Variants in ZNF431 observed in about 807,000 individuals in gnomAD.
The protein encoded by ZNF431 is zinc finger protein 431.
A neutral mutation model predicts 57.0 loss-of-function variants in ZNF431; 34 were observed. That is an observed-to-expected ratio of 0.60 (90% CI 0.45 to 0.79). The LOEUF is 0.79. ZNF431 is among the 30% of genes least tolerant of loss of function. The probability of loss-of-function intolerance (pLI) is 0.00; values close to 1 mark genes in which losing one functional copy is unlikely to be tolerated. For missense variants in ZNF431, 607 were observed against 667.1 expected (o/e 0.91, Z 0.99); for synonymous variants, 207 against 220.3 (o/e 0.94, Z 0.54).
rs1971593083 is a variant in ZNF431, at chr19:21,195,657, C to T, written c.*11623C>T. On this transcript the variant is annotated 3_prime_UTR_variant, in exon 5 of 5. Transcript: ENST00000311048. Reference sequence around the variant, plus strand: ...CTTCCTTGATACGTATGAGATTCACCAGTACCAGTTTTTCTCTTGTGGTGG... The same window carrying T: ...CTTCCTTGATACGTATGAGATTCACTAGTACCAGTTTTTCTCTTGTGGTGG... 1 of 152,102 alleles carries T rather than the reference C, an allele frequency of 6.6e-6. No homozygotes were observed. Among genetic ancestry groups the T allele is most frequent in the Admixed American group, 6.6e-5 (1 of 15,266 alleles). The allele number at this position is 152,102 out of a possible 1,614,324, so 9.4% of individuals were successfully genotyped here. A position where few individuals can be genotyped will look rare whatever the true frequency, so the allele number is the denominator to read the frequency against.
At chr19:21,177,763 G>A (rs1056217779) in intron 4 of ZNF431, among the ~76,000 whole-genome samples, 1 of 152,066 alleles carries the variant, frequency 6.6e-6, no homozygotes, top group African/African-American at 2.4e-5. Context: ...ACTCCTGCCT[G>A]GGTGACAGAG....
chr19:21,186,352 CAT>C lies in ZNF431; in HGVS notation c.*2322_*2323del, dbSNP rs1378113916. Reference sequence around the variant, plus strand: ...AACATGTGGCCTGTCTGCCTGCAAACATATACAGACTTTTAGTTTTGATTCAT... The same window carrying C: ...AACATGTGGCCTGTCTGCCTGCAAACATACAGACTTTTAGTTTTGATTCAT... On this transcript the variant is annotated 3_prime_UTR_variant, in exon 5 of 5. Transcript: ENST00000311048. 1.2e-4 allele frequency: 18 copies of C among 152,290 alleles called. No homozygotes were observed. The highest frequency in any genetic ancestry group is 4.3e-4 in the African/African-American group (18 of 41,560). 9.4% of individuals were successfully genotyped at this position (152,290 alleles called of 1,614,324 possible). A position where few individuals can be genotyped will look rare whatever the true frequency, so the allele number is the denominator to read the frequency against.
At position 21,183,964 on chromosome 19, in the gene ZNF431, A is replaced by T. The variant is rs567640430; in HGVS notation, c.1661A>T (p.Asn554Ile). The T allele has an allele frequency of 6.3e-7, 1 of 1,596,782 alleles. No homozygotes were observed. The highest frequency in any genetic ancestry group is 8.5e-7 in the Non-Finnish European group (1 of 1,174,472). The change falls in exon 5 of 5, where the codon AAC (asparagine) becomes ATC (isoleucine). Residue 554 changes from asparagine (N) to isoleucine (I), a missense_variant. By Grantham distance (149) the Asn-to-Ile change is moderately radical. Transcript: ENST00000311048. Reference sequence around the variant, plus strand: ...GACAATACATTTAACCAGTCCTCAAACCTTATTAAACAAAATAATTCATAC... The same window carrying T: ...GACAATACATTTAACCAGTCCTCAATCCTTATTAAACAAAATAATTCATAC... ...ECDNTFNQSSNLIKQNNSYWR... is the reference protein window; with the variant it reads ...ECDNTFNQSSILIKQNNSYWR...
At chr19:21,174,340 G>A (rs916697201) in intron 4 of ZNF431, among the ~76,000 whole-genome samples, 4 of 151,904 alleles carry the variant, frequency 2.6e-5, no homozygotes, top group South Asian at 2.1e-4. Context: ...TGTCTTGATC[G>A]CCACAATTAT....
Position 21,188,645 on chromosome 19 carries a change from G to T in ZNF431, c.*4611G>T, listed in dbSNP as rs909453998. The T allele has an allele frequency of 8.5e-5, 13 of 152,070 alleles. No individual in the cohort carries two copies. The highest frequency in any genetic ancestry group is 3.1e-4 in the African/African-American group (13 of 41,424). 9.4% of individuals were successfully genotyped at this position (152,070 alleles called of 1,614,324 possible). A position where few individuals can be genotyped will look rare whatever the true frequency, so the allele number is the denominator to read the frequency against. On this transcript the variant is annotated 3_prime_UTR_variant, in exon 5 of 5. Transcript: ENST00000311048. Reference sequence around the variant, plus strand: ...TTTTATATATTTTTTAGTGGGAGAGGTTTAGTCTACAGTTTTTATTTTTAG... The same window carrying T: ...TTTTATATATTTTTTAGTGGGAGAGTTTTAGTCTACAGTTTTTATTTTTAG...
At chr19:21,178,506 A>G (rs1038130738) in intron 4 of ZNF431, among the ~76,000 whole-genome samples, 1 of 152,084 alleles carries the variant, frequency 6.6e-6, no homozygotes, top group Non-Finnish European at 1.5e-5. Flanking sequence ...AGAGTTTTTA[A>G]CATGAAGGGA....
intron 4 of ZNF431, among the ~76,000 whole-genome samples, chr19:21,174,535 T>C (rs1970996424): frequency 6.6e-6 from 1 of 152,186 alleles, no homozygotes; most frequent in South Asian, 2.1e-4. Flanking sequence ...ATATGTCCTA[T>C]GCTGTTATAT....
At chr19:21,176,254 T>C (rs965618395) in intron 4 of ZNF431, among the ~76,000 whole-genome samples, 2 of 151,336 alleles carry the variant, frequency 1.3e-5, no homozygotes, top group African/African-American at 4.8e-5. Flanking sequence ...TTTTTTTTTT[T>C]TTTGAGACTG....
chr19:21,163,262 A>G (rs1970625547), intron 2 of ZNF431, among the ~76,000 whole-genome samples: 1 of 152,190 alleles, frequency 6.6e-6, no homozygotes, highest in Non-Finnish European at 1.5e-5. Context: ...TTCCTCTGTA[A>G]ACTTTAAAGA....
intron 2 of ZNF431, among the ~76,000 whole-genome samples, chr19:21,162,145 TGTGTGTGTG>T (rs1253025733): frequency 5.2e-4 from 65 of 125,356 alleles, no homozygotes; most frequent in South Asian, 9.9e-4. Flanking sequence ...TCCAGCTAAT[TGTGTGTGTG>T]TGTGTGTGTG....
intron 4 of ZNF431, among the ~76,000 whole-genome samples, chr19:21,170,526 C>T (rs1354872362): frequency 6.6e-6 from 1 of 152,114 alleles, no homozygotes; most frequent in African/African-American, 2.4e-5. Context: ...TTGGTAGGCA[C>T]TCCATATTAC....
chr19:21,142,423 C>A (rs1373790584), intron 1 of ZNF431, among the ~76,000 whole-genome samples: 4 of 152,194 alleles, frequency 2.6e-5, no homozygotes, highest in African/African-American at 7.2e-5. Flanking sequence ...GGCCTGGAGC[C>A]CTCTCTGGGC....
At chr19:21,174,537 C>T (rs754216355) in intron 4 of ZNF431, among the ~76,000 whole-genome samples, 21 of 152,214 alleles carry the variant, frequency 1.4e-4, no homozygotes, top group South Asian at 4.1e-4. Context: ...ATGTCCTATG[C>T]TGTTATATAC....
intron 4 of ZNF431, 99 bp from the exon 5 acceptor site, chr19:21,182,524 C>A: frequency 1.6e-6 from 2 of 1,288,892 alleles, no homozygotes; most frequent in Admixed American, 2.9e-5. Flanking sequence ...TTTATTATGG[C>A]ATCTTGTTTA....
chr19:21,159,150 A>G (rs962102051), intron 2 of ZNF431, among the ~76,000 whole-genome samples: 1 of 152,132 alleles, frequency 6.6e-6, no homozygotes. Flanking sequence ...AAAACCTTGC[A>G]TACCAGAGAT....
chr19:21,158,019 G>A (rs1599588369), intron 2 of ZNF431, among the ~76,000 whole-genome samples: 2 of 152,074 alleles, frequency 1.3e-5, no homozygotes, highest in African/African-American at 4.8e-5. Flanking sequence ...TGGCAATTCA[G>A]GCTCATTTTG....
chr19:21,182,685 C>G lies in ZNF431; in HGVS notation c.382C>G (p.Gln128Glu), dbSNP rs1318444049. ...PEQDIKDSFQ[Q>E]VILRRYGKCE... ...GCAAGACATAAAAGATTCTTTTCAACAAGTAATACTGAGAAGATATGGCAA... is the reference window on the plus strand; with the variant it reads ...GCAAGACATAAAAGATTCTTTTCAAGAAGTAATACTGAGAAGATATGGCAA... Residue 128 changes from glutamine to glutamate, a missense_variant, in exon 5 of 5, where the codon CAA becomes GAA. Coordinates refer to ENST00000311048, the MANE Select transcript of ZNF431 (RefSeq NM_133473.4). 1 of 1,613,232 alleles carries G rather than the reference C, an allele frequency of 6.2e-7. No individual in the cohort carries two copies. Among genetic ancestry groups the G allele is most frequent in the Non-Finnish European group, 8.5e-7 (1 of 1,179,710 alleles).
chr19:21,149,748 C>A (rs949979092), intron 2 of ZNF431: 8 of 622,114 alleles, frequency 1.3e-5, no homozygotes, highest in Non-Finnish European at 2.4e-5. Context: ...CCAGTGATGG[C>A]GGATCTCATC....
intron 4 of ZNF431, among the ~76,000 whole-genome samples, chr19:21,173,597 C>T (rs1481507412): frequency 6.6e-6 from 1 of 152,148 alleles, no homozygotes; most frequent in Non-Finnish European, 1.5e-5. Context: ...GGCACGATGG[C>T]TCACTGCAAC....
Sources: gnomAD v4.1 joint callset for allele counts (sites outside exome capture counted in the v4.1 genomes callset) on GRCh38, gnomAD v4.1.1 for gene constraint, MANE v1.5 for transcripts, NCBI Gene and HGNC (gene_info 2026-07-23, HGNC 2026-07-21) for gene names.